The following FHIP1A variants were observed in gnomAD, a reference collection of about 807,000 sequenced individuals.
FHIP1A encodes FHF complex subunit HOOK-interacting protein 1A.
A neutral mutation model predicts 88.6 loss-of-function variants in FHIP1A; 61 were observed. The ratio of observed to expected loss-of-function variants is 0.69; its 90% CI spans 0.56 to 0.85. The LOEUF is 0.85. Among genes scored for constraint, FHIP1A ranks in the 40% least tolerant of loss-of-function variants. FHIP1A has a pLI of 0.00. For synonymous variants in FHIP1A, 478 were observed against 496.0 expected (o/e 0.96, Z 0.48); for missense variants, 1,154 against 1,273.5 (o/e 0.91, Z 1.43).
At chr4:151,414,145 G>A (rs1215501783) in intron 1 of FHIP1A, among the ~76,000 whole-genome samples, 1 of 152,028 alleles carries the variant, frequency 6.6e-6, no homozygotes, top group South Asian at 2.1e-4. Context: ...CCGCCTTCCA[G>A]GTCCAAGTGA....
intron 3 of FHIP1A, among the ~76,000 whole-genome samples, chr4:151,511,739 G>A (rs899403531): frequency 4.6e-5 from 7 of 152,350 alleles, no homozygotes; most frequent in East Asian, 3.9e-4. Context: ...GGGGAGGGGC[G>A]CCCGCCATTG....
Position 151,443,695 on chromosome 4 carries a change from G to C in FHIP1A, c.-355-11006G>C, listed in dbSNP as rs533681080. On this transcript the variant is annotated intron_variant, in intron 1 of 13. Transcript: ENST00000435205. ...TCTAAATGAAGCACTCTGTGTGTGT[G>C]TGTGTGTGTGTGTGTGTGTGTGTGT... 2.7e-5 allele frequency among the ~76,000 whole-genome samples: 4 copies of C among 149,398 alleles called. No individual in the cohort carries two copies. The South Asian group carries it at 8.6e-4, about 32-fold the overall frequency.
intron 2 of FHIP1A, among the ~76,000 whole-genome samples, chr4:151,476,636 A>G (rs1053796100): frequency 5.9e-5 from 9 of 152,246 alleles, no homozygotes; most frequent in Non-Finnish European, 7.3e-5. Context: ...ATTTGGAATC[A>G]TAAACCAGTG....
chr4:151,599,814 T>C (rs1339123335), intron 7 of FHIP1A, among the ~76,000 whole-genome samples: 1 of 152,196 alleles, frequency 6.6e-6, no homozygotes, highest in Admixed American at 6.5e-5. Flanking sequence ...GTTTTTCTGA[T>C]TATAGATGTG....
chr4:151,410,288 A>T (rs1237105550), intron 1 of FHIP1A, among the ~76,000 whole-genome samples: 2 of 152,238 alleles, frequency 1.3e-5, no homozygotes, highest in East Asian at 3.9e-4. Context: ...ATCCAGGGAC[A>T]GGGAAACCCC....
intron 2 of FHIP1A, 139 bp downstream of exon 2, chr4:151,454,947 G>A (rs1028001110): frequency 1.3e-5 from 2 of 152,048 alleles, no homozygotes; most frequent in Non-Finnish European, 2.9e-5. Flanking sequence ...GGTGGCTTAC[G>A]CTGGCAAAAC....
chr4:151,650,165 G>A lies in FHIP1A; in HGVS notation c.2124G>A (p.Glu708=). ...ACAATTCAGACCCGTTTCACAGTGA[G>A]CCCAAGGAGCCAAAGCAAGAGAGGG... The part of the protein sequence containing the change: ...NRDNSDPFHS[E]PKEPKQEREP... The change falls in exon 11 of 14, where the codon GAG becomes GAA. Residue 708 remains glutamate, a synonymous_variant. Coordinates refer to ENST00000435205, the MANE Select transcript of FHIP1A (RefSeq NM_001109977.3). 2 of 1,551,690 alleles carry A rather than the reference G, an allele frequency of 1.3e-6. No homozygotes were observed. Among genetic ancestry groups the A allele is most frequent in the South Asian group, 1.2e-5 (1 of 84,058 alleles).
chr4:151,442,620 T>C (rs2709815), intron 1 of FHIP1A, among the ~76,000 whole-genome samples: 79,025 of 151,912 alleles, frequency 0.52, 20,863 homozygotes, highest in African/African-American at 0.55. Flanking sequence ...CAAAAGAGGC[T>C]ATTTGATTGG....
At chr4:151,651,719 A>G (rs903791156) in intron 11 of FHIP1A, among the ~76,000 whole-genome samples, 5 of 152,214 alleles carry the variant, frequency 3.3e-5, no homozygotes, top group African/African-American at 1.2e-4. Context: ...TGGTCCAGCC[A>G]GCCAAGTAGG....
intron 7 of FHIP1A, among the ~76,000 whole-genome samples, chr4:151,616,898 C>A (rs1735555070): frequency 6.6e-6 from 1 of 152,096 alleles, no homozygotes; most frequent in African/African-American, 2.4e-5. Context: ...TAGACACGGG[C>A]CACCACACCC....
intron 1 of FHIP1A, among the ~76,000 whole-genome samples, chr4:151,452,936 G>GTATA (rs111734450): frequency 0.26 from 37,917 of 145,856 alleles, 5,523 homozygotes; most frequent in Non-Finnish European, 0.34. Flanking sequence ...ACATTGAAAC[G>GTATA]TATATATATA....
intron 3 of FHIP1A, among the ~76,000 whole-genome samples, chr4:151,537,178 A>T (rs1424385291): frequency 6.6e-6 from 1 of 151,970 alleles, no homozygotes; most frequent in Admixed American, 6.6e-5. Context: ...GTCCCAGCCC[A>T]TGTTTAGTTA....
intron 1 of FHIP1A, among the ~76,000 whole-genome samples, chr4:151,409,852 A>G (rs897687912): frequency 1.3e-5 from 2 of 152,146 alleles, no homozygotes; most frequent in Admixed American, 6.5e-5. Flanking sequence ...TGTGGAGTTC[A>G]GGTTTCCCCT....
At chr4:151,653,052 C>A (rs1192199002) in intron 11 of FHIP1A, among the ~76,000 whole-genome samples, 1 of 152,066 alleles carries the variant, frequency 6.6e-6, no homozygotes, top group African/African-American at 2.4e-5. Context: ...ACCCTTATTG[C>A]CGTGTCAGAA....
rs574340608 is a variant in FHIP1A, at chr4:151,560,178, A to G, written c.-122-5960A>G. Among the ~76,000 whole-genome samples the G allele has an allele frequency of 3.2e-4, 48 of 152,276 alleles. 1 individual carries two copies. Among genetic ancestry groups the G allele is most frequent in the Admixed American group, 2.0e-3 (31 of 15,290 alleles). On this transcript the variant is annotated intron_variant, in intron 3 of 13. Coordinates refer to ENST00000435205, the MANE Select transcript of FHIP1A (RefSeq NM_001109977.3). ...TAATTACACTTAGTACTTTTATATC[A>G]TGTAGATAAAGAACCTTTTTGAAAG... is the stretch of plus-strand genomic sequence containing the variant.
chr4:151,649,990 A>C lies in FHIP1A; in HGVS notation c.1949A>C (p.Glu650Ala). ...GTGATGGTGTACAGGCTGTGTGCTG[A>C]GAAGGACTCCGAGGACATGAAGGAT... ...DDVMVYRLCA[E>A]KDSEDMKDSQ... Residue 650 changes from glutamate (E) to alanine (A), a missense_variant, in exon 11 of 14, where the codon GAG becomes GCG. Glu to Ala is a moderately radical substitution (Grantham distance 107, BLOSUM62 -1). Transcript: ENST00000435205. 6 of 1,551,618 alleles carry C rather than the reference A, an allele frequency of 3.9e-6. No homozygotes were observed. The highest frequency in any genetic ancestry group is 4.4e-6 in the Non-Finnish European group (5 of 1,146,982).
intron 2 of FHIP1A, among the ~76,000 whole-genome samples, chr4:151,456,204 C>T (rs911814705): frequency 6.6e-6 from 1 of 152,202 alleles, no homozygotes; most frequent in Non-Finnish European, 1.5e-5. Flanking sequence ...TCTCCATCAC[C>T]TTCTGTCATT....
intron 11 of FHIP1A, among the ~76,000 whole-genome samples, chr4:151,652,651 G>C (rs1220895818): frequency 1.3e-5 from 2 of 152,344 alleles, no homozygotes; most frequent in South Asian, 4.1e-4. Context: ...CATATGCCAA[G>C]ACCAGTGGGA....
At chr4:151,503,520 C>T (rs1023960071) in intron 3 of FHIP1A, among the ~76,000 whole-genome samples, 1 of 151,742 alleles carries the variant, frequency 6.6e-6, no homozygotes, top group Non-Finnish European at 1.5e-5. Flanking sequence ...TAGACAGTGT[C>T]TGGTGAAGGG....
Sources: gnomAD v4.1 joint callset for allele counts (sites outside exome capture counted in the v4.1 genomes callset) on GRCh38, gnomAD v4.1.1 for gene constraint, MANE v1.5 for transcripts, NCBI Gene and HGNC (gene_info 2026-07-23, HGNC 2026-07-21) for gene names.